PTPRT: variants seen among roughly 807,000 people sequenced by gnomAD.
The protein encoded by PTPRT is protein tyrosine phosphatase receptor type T.
A neutral mutation model predicts 176.8 loss-of-function variants in PTPRT; 56 were observed. The ratio of observed to expected loss-of-function variants is 0.32; its 90% confidence interval spans 0.26 to 0.40. PTPRT has a LOEUF of 0.40. Among genes scored for constraint, PTPRT ranks in the 10% least tolerant of loss-of-function variants. The pLI, the probability that PTPRT is intolerant of heterozygous loss-of-function variation, is 1.00. For synonymous variants in PTPRT, 783 were observed against 739.0 expected (o/e 1.06, Z -0.96); for missense variants, 1,540 against 1,908.2 (o/e 0.81, Z 3.60).
At chr20:43,027,638 G>A (rs1222462622) in intron 1 of PTPRT, among the ~76,000 whole-genome samples, 2 of 152,062 alleles carry the variant, frequency 1.3e-5, no homozygotes, top group Non-Finnish European at 2.9e-5. Flanking sequence ...AAGGAGAGAG[G>A]CCTCAGGAGA....
chr20:42,913,757 A>G (rs1308127629), intron 1 of PTPRT, among the ~76,000 whole-genome samples: 1 of 152,216 alleles, frequency 6.6e-6, no homozygotes, highest in Admixed American at 6.5e-5. Context: ...TTAACTTTAG[A>G]TTGAGAAAAG....
intron 11 of PTPRT, 51 bp from the exon 12 acceptor site, chr20:42,316,047 G>T: frequency 6.3e-7 from 1 of 1,590,058 alleles, no homozygotes; most frequent in South Asian, 1.1e-5. Flanking sequence ...CTGGAAGAAT[G>T]AGCTTGTTAG....
intron 9 of PTPRT, among the ~76,000 whole-genome samples, chr20:42,385,439 GC>G (rs2058735672): frequency 6.6e-6 from 1 of 152,152 alleles, no homozygotes; most frequent in Non-Finnish European, 1.5e-5. Context: ...AATGGTGGTT[GC>G]TAGGTGCTGG....
intron 1 of PTPRT, among the ~76,000 whole-genome samples, chr20:43,050,149 AGCTTGTAGCAAG>A (rs1986988706): frequency 6.6e-6 from 1 of 152,182 alleles, no homozygotes; most frequent in Non-Finnish European, 1.5e-5. Flanking sequence ...GGGAACATGC[AGCTTGTAGCAAG>A]GCTGGTTCAT....
chr20:42,976,399 T>A (rs529159138), intron 1 of PTPRT, among the ~76,000 whole-genome samples: 38 of 151,490 alleles, frequency 2.5e-4, no homozygotes, highest in African/African-American at 9.0e-4. Context: ...AGTATGCATT[T>A]TTTATTTATT....
At chr20:42,735,292 G>A (rs1228945634) in intron 6 of PTPRT, among the ~76,000 whole-genome samples, 1 of 152,082 alleles carries the variant, frequency 6.6e-6, no homozygotes, top group East Asian at 1.9e-4. Context: ...CTAGAGGAGA[G>A]GGAAACGGCT....
intron 16 of PTPRT, among the ~76,000 whole-genome samples, chr20:42,181,700 A>T (rs189875134): frequency 5.9e-5 from 9 of 152,222 alleles, no homozygotes; most frequent in Admixed American, 3.3e-4. Flanking sequence ...AACAAATACC[A>T]CTCAATCGTA....
At chr20:42,151,383 TG>T (rs1053660072) in intron 17 of PTPRT, among the ~76,000 whole-genome samples, 2 of 152,140 alleles carry the variant, frequency 1.3e-5, no homozygotes, top group Non-Finnish European at 2.9e-5. Flanking sequence ...CTCCCACTTA[TG>T]AGAACATGTG....
chr20:42,947,315 C>G (rs572704710), intron 1 of PTPRT, among the ~76,000 whole-genome samples: 1 of 152,294 alleles, frequency 6.6e-6, no homozygotes, highest in Non-Finnish European at 1.5e-5. Flanking sequence ...AAAATGCACC[C>G]TCCTTGCATC....
chr20:42,968,100 T>A (rs1187157733), intron 1 of PTPRT, among the ~76,000 whole-genome samples: 1 of 152,204 alleles, frequency 6.6e-6, no homozygotes, highest in Non-Finnish European at 1.5e-5. Context: ...TTCCTTTTGC[T>A]GGGTAAGCCC....
chr20:42,903,594 AG>A (rs1295066077), intron 1 of PTPRT, among the ~76,000 whole-genome samples: 3 of 152,242 alleles, frequency 2.0e-5, no homozygotes, highest in African/African-American at 7.2e-5. Flanking sequence ...GGTTGTCAGA[AG>A]TCCTCTCAAA....
intron 13 of PTPRT, among the ~76,000 whole-genome samples, chr20:42,279,725 T>C (rs1436269892): frequency 6.6e-6 from 1 of 152,162 alleles, no homozygotes; most frequent in Non-Finnish European, 1.5e-5. Flanking sequence ...TATTCTTGTG[T>C]AAGGGGTACT....
intron 8 of PTPRT, among the ~76,000 whole-genome samples, chr20:42,469,059 GC>G (rs2071148094): frequency 6.6e-6 from 1 of 151,988 alleles, no homozygotes; most frequent in Admixed American, 6.6e-5. Flanking sequence ...GGGGATAGAT[GC>G]TCCTTTGTGA....
In PTPRT at chr20:42,972,558, G is replaced by A. The variant is rs568791630; in HGVS notation, c.89-86626C>T. Among the ~76,000 whole-genome samples the A allele has an allele frequency of 3.0e-4, 45 of 151,454 alleles. 1 individual carries two copies. In the South Asian group the frequency reaches 9.0e-3, roughly 30 times the overall value. ...ACACCTGTAGATCCCAGCTACTCAG[G>A]AGGCTGAGGCATGAGAATCACTTGA... On this transcript the variant is annotated intron_variant, in intron 1 of 30. Transcript: ENST00000373187.
intron 9 of PTPRT, among the ~76,000 whole-genome samples, chr20:42,406,090 C>T (rs1447116822): frequency 6.6e-6 from 1 of 151,548 alleles, no homozygotes; most frequent in Non-Finnish European, 1.5e-5. Flanking sequence ...AGGGATATAT[C>T]CAGAGTAATG....
intron 2 of PTPRT, among the ~76,000 whole-genome samples, chr20:42,866,413 A>G: frequency 6.6e-6 from 1 of 151,942 alleles, no homozygotes; most frequent in Non-Finnish European, 1.5e-5. Context: ...CTCTTTCACC[A>G]AGTTTTCTTG....
chr20:42,690,637 C>T (rs138585288), intron 6 of PTPRT, among the ~76,000 whole-genome samples: 1 of 152,348 alleles, frequency 6.6e-6, no homozygotes, highest in Non-Finnish European at 1.5e-5. Flanking sequence ...CCCCAGTACT[C>T]TATGCTAGCT....
At chr20:42,302,455 T>C (rs1222136143) in intron 12 of PTPRT, among the ~76,000 whole-genome samples, 1 of 152,172 alleles carries the variant, frequency 6.6e-6, no homozygotes, top group Non-Finnish European at 1.5e-5. Flanking sequence ...TACACTTTCC[T>C]CTGCCCCACT....
chr20:42,514,156 T>A (rs1009288496), intron 7 of PTPRT, among the ~76,000 whole-genome samples: 6 of 152,210 alleles, frequency 3.9e-5, no homozygotes, highest in Non-Finnish European at 8.8e-5. Flanking sequence ...CAGGATGGAA[T>A]GGCTAAAATA....
Sources: gnomAD v4.1 joint callset for allele counts (sites outside exome capture counted in the v4.1 genomes callset) on GRCh38, gnomAD v4.1.1 for gene constraint, MANE v1.5 for transcripts, NCBI Gene and HGNC (gene_info 2026-07-23, HGNC 2026-07-21) for gene names.